USP48: variants seen among roughly 807,000 people sequenced by gnomAD.
USP48 encodes the protein ubiquitin carboxyl-terminal hydrolase 48.
Under a neutral mutation model 150.7 loss-of-function variants are expected in USP48, and 43 were observed. That is an observed-to-expected ratio of 0.29 (90% CI 0.22 to 0.37). The LOEUF (loss-of-function observed/expected upper bound fraction) is 0.37, where lower values mean the gene tolerates loss of function less well. Ranked by LOEUF, USP48 falls within the 10% of genes least tolerant of loss-of-function variation. The pLI is 1.00. For synonymous variants in USP48, 396 were observed against 425.9 expected, an observed-to-expected ratio of 0.93 and a Z score of 0.86; for missense variants, 813 against 1,249.6, an observed-to-expected ratio of 0.65 and a Z score of 5.27.
At chr1:21,733,589 A>G (rs915334516) in intron 9 of USP48, among the ~76,000 whole-genome samples, 10 of 152,204 alleles carry the variant, frequency 6.6e-5, no homozygotes, top group Non-Finnish European at 1.3e-4. Context: ...ATGCTGCATA[A>G]AATAGTGAGT....
At chr1:21,726,174 G>A (rs1488299545) in intron 11 of USP48, among the ~76,000 whole-genome samples, 1 of 152,018 alleles carries the variant, frequency 6.6e-6, no homozygotes, top group Non-Finnish European at 1.5e-5. Context: ...AAGAATCCTG[G>A]CCCTCACAAT....
intron 1 of USP48, among the ~76,000 whole-genome samples, chr1:21,778,259 T>C (rs1186812519): frequency 1.3e-5 from 2 of 151,926 alleles, no homozygotes; most frequent in African/African-American, 2.4e-5. Flanking sequence ...AAAAGATATA[T>C]GAATGGCCAA....
At chr1:21,722,375 CAA>C (rs532230978) in intron 12 of USP48, among the ~76,000 whole-genome samples, 75 of 149,710 alleles carry the variant, frequency 5.0e-4, no homozygotes, top group African/African-American at 1.8e-3. Context: ...CCTGTCTCTA[CAA>C]AAAGTGTAAA....
intron 19 of USP48, 131 bp from the exon 20 acceptor site, chr1:21,704,523 CG>C (rs1386773614): frequency 6.0e-6 from 6 of 995,254 alleles, no homozygotes; most frequent in Non-Finnish European, 6.9e-6. Context: ...AGAAAAGATA[CG>C]TATCATCAAC....
In USP48 at chr1:21,706,105, TAAAAC is replaced by T. The variant is rs754231170; in HGVS notation, c.2273+16_2273+20del. ...ACCAAATCAGTAACAATAAAGGAAA[TAAAAC>T]ATATTTTGTTTCTACCTAACAAATT... On this transcript the variant is annotated intron_variant, in intron 18 of 26. Coordinates refer to ENST00000308271, the MANE Select transcript of USP48 (RefSeq NM_032236.8). The T allele has an allele frequency of 3.9e-5, 62 of 1,609,986 alleles. No individual in the cohort carries two copies. In the South Asian group the frequency reaches 6.7e-4, roughly 17 times the overall value.
intron 22 of USP48, among the ~76,000 whole-genome samples, chr1:21,699,443 C>T (rs182249781): frequency 3.7e-3 from 557 of 151,466 alleles, no homozygotes; most frequent in Non-Finnish European, 5.7e-3. Context: ...CGTGATCTGC[C>T]CGCCTCAGCC....
chr1:21,744,170 G>A (rs893146580), intron 8 of USP48, among the ~76,000 whole-genome samples: 7 of 152,028 alleles, frequency 4.6e-5, no homozygotes, highest in African/African-American at 1.4e-4. Context: ...AAGGCCAGGC[G>A]TGGTGGCTCA....
chr1:21,736,266 G>A (rs1453750489), intron 9 of USP48, among the ~76,000 whole-genome samples, 180 bp downstream of exon 9: 4 of 152,026 alleles, frequency 2.6e-5, no homozygotes, highest in Middle Eastern at 3.2e-3. Flanking sequence ...AGTAAGAACC[G>A]GACTCGAAAA....
intron 8 of USP48, among the ~76,000 whole-genome samples, chr1:21,741,942 C>A (rs1290991160): frequency 6.6e-6 from 1 of 152,136 alleles, no homozygotes; most frequent in East Asian, 1.9e-4. Context: ...CTACACTGCA[C>A]TCCAGCCTCG....
At chr1:21,754,025 G>A (rs1017178136) in intron 3 of USP48, among the ~76,000 whole-genome samples, 1 of 151,866 alleles carries the variant, frequency 6.6e-6, no homozygotes, top group Non-Finnish European at 1.5e-5. Flanking sequence ...GTGGGGCATG[G>A]TAGTACACGC....
chr1:21,775,238 G>A (rs192972983), intron 1 of USP48, among the ~76,000 whole-genome samples: 2 of 151,980 alleles, frequency 1.3e-5, no homozygotes, highest in East Asian at 3.9e-4. Context: ...GGAACTATGG[G>A]TCCTCGTTAG....
At chr1:21,722,542 G>GAAA (rs772860252) in intron 12 of USP48, among the ~76,000 whole-genome samples, 6 of 107,272 alleles carry the variant, frequency 5.6e-5, no homozygotes, top group Non-Finnish European at 5.9e-5. Flanking sequence ...CTGTCTCAGA[G>GAAA]AAAAAAAAAA....
intron 25 of USP48, among the ~76,000 whole-genome samples, chr1:21,682,790 G>A (rs918278811): frequency 1.3e-5 from 2 of 151,446 alleles, no homozygotes; most frequent in East Asian, 1.9e-4. Context: ...CAGAAGAATC[G>A]CTTGAACCCA....
chr1:21,782,694 A>T (rs1557637665), intron 1 of USP48, 130 bp downstream of exon 1: 3 of 1,342,670 alleles, frequency 2.2e-6, no homozygotes, highest in Non-Finnish European at 2.9e-6. Context: ...CAAAGGGGGA[A>T]ACTCCACCTC....
At chr1:21,777,824 G>A (rs1459186383) in intron 1 of USP48, among the ~76,000 whole-genome samples, 1 of 152,024 alleles carries the variant, frequency 6.6e-6, no homozygotes, top group East Asian at 1.9e-4. Flanking sequence ...CTTATATGCA[G>A]TATATATAAA....
At chr1:21,686,197 G>C (rs1419609317) in intron 25 of USP48, 1 of 152,170 alleles carries the variant, frequency 6.6e-6, no homozygotes, top group Non-Finnish European at 1.5e-5. Context: ...TTGCCTAATT[G>C]CTCTTGCTAG....
chr1:21,776,303 C>T (rs1339791391), intron 1 of USP48, among the ~76,000 whole-genome samples: 1 of 152,140 alleles, frequency 6.6e-6, no homozygotes, highest in African/African-American at 2.4e-5. Flanking sequence ...AGTCCTGACA[C>T]ATGTGGTCTT....
At chr1:21,768,415 C>G (rs1414228131) in intron 1 of USP48, 1 of 152,822 alleles carries the variant, frequency 6.5e-6, no homozygotes, top group Non-Finnish European at 1.5e-5. Context: ...AACTGGCTGC[C>G]CTCACACAGA....
chr1:21,750,763 T>A (rs558084895), intron 6 of USP48, among the ~76,000 whole-genome samples: 231 of 151,698 alleles, frequency 1.5e-3, no homozygotes, highest in African/African-American at 5.5e-3. Context: ...GCGCCTATAA[T>A]CCCAGCTACT....
Sources: allele counts gnomAD v4.1 joint callset (sites outside exome capture counted in the v4.1 genomes callset), GRCh38; gene constraint gnomAD v4.1.1; transcripts MANE v1.5; gene names NCBI Gene and HGNC (gene_info 2026-07-23, HGNC 2026-07-21).